EML2: variants seen among roughly 807,000 people sequenced by gnomAD.
EML2 encodes echinoderm microtubule-associated protein-like 2.
A neutral mutation model predicts 84.7 loss-of-function variants in EML2; 59 were observed. The ratio of observed to expected loss-of-function variants is 0.70; its 90% CI spans 0.56 to 0.86. The LOEUF (loss-of-function observed/expected upper bound fraction) is 0.86, where lower values mean the gene tolerates loss of function less well. Ranked by LOEUF, EML2 falls within the 40% of genes least tolerant of loss-of-function variation. The pLI is 0.00. For synonymous variants in EML2, 352 were observed against 348.9 expected, an observed-to-expected ratio of 1.01 and a Z score of -0.10; for missense variants, 818 against 855.6, an observed-to-expected ratio of 0.96 and a Z score of 0.55.
At chr19:45,639,439 C>A, upstream of EML2, 1 of 1,240,792 alleles carries the variant, frequency 8.1e-7, no homozygotes, top group South Asian at 4.0e-5. Context: ...CCGCTTCCGG[C>A]CCTGGGAGGC....
At position 45,614,616 on chromosome 19, in the gene EML2, A is replaced by G. The variant is rs1463119325; in HGVS notation, c.1682T>C (p.Phe561Ser). The change falls in exon 17 of 19, where the codon TTT (phenylalanine) becomes TCT (serine). Residue 561 changes from phenylalanine to serine, a missense_variant. Coordinates refer to ENST00000245925, the MANE Select transcript of EML2 (RefSeq NM_012155.4). ...EWATATCVLG[F>S]GVFGIWSEGA... is the part of the protein sequence containing the mutation. ...ATTCCAGAACTCACCAAACACCCCA[A>G]ACCCTAGGACACAAGTAGCTGTGGC... 3.1e-6 allele frequency: 5 copies of G among 1,613,692 alleles called. No homozygotes were observed. The highest frequency in any genetic ancestry group is 1.3e-5 in the African/African-American group (1 of 74,892).
chr19:45,633,826 C>A (rs557173843), intron 4 of EML2, among the ~76,000 whole-genome samples: 1 of 152,316 alleles, frequency 6.6e-6, no homozygotes, highest in Non-Finnish European at 1.5e-5. Context: ...CTGACTGCAG[C>A]CTCCAACTCC....
At chr19:45,629,726 C>G (rs1265714895) in intron 7 of EML2, among the ~76,000 whole-genome samples, 1 of 151,378 alleles carries the variant, frequency 6.6e-6, no homozygotes, top group Non-Finnish European at 1.5e-5. Context: ...TCCCAAGGTG[C>G]TAGGGTTACA....
intron 16 of EML2, among the ~76,000 whole-genome samples, chr19:45,615,233 A>G (rs1426203064): frequency 6.6e-6 from 1 of 152,056 alleles, no homozygotes; most frequent in East Asian, 1.9e-4. Flanking sequence ...CCAGCTACTC[A>G]GGAGCCTGAG....
chr19:45,641,474 T>C (rs1974491485), upstream of EML2: 1 of 659,928 alleles, frequency 1.5e-6, no homozygotes, highest in African/African-American at 1.8e-5. Context: ...CTTCCACTGT[T>C]ACCGTGCCAC....
rs1974046751 is a variant in EML2, at chr19:45,638,536, G to C, written c.148C>G (p.Leu50Val). 2.5e-6 allele frequency: 4 copies of C among 1,613,948 alleles called. No homozygotes were observed. Among genetic ancestry groups the C allele is most frequent in the Non-Finnish European group, 3.4e-6 (4 of 1,180,028 alleles). ...TCCAGCTTGAGCCGGCAAGAAGGCAGCTCCGAGCGTGTGTCCAGGCTGTAG... is the reference window on the plus strand; with the variant it reads ...TCCAGCTTGAGCCGGCAAGAAGGCACCTCCGAGCGTGTGTCCAGGCTGTAG... ...PTYSLDTRSE[L>V]PSCRLKLEWV... The change falls in exon 3 of 19, where the codon CTG (leucine) becomes GTG (valine). Residue 50 changes from leucine (L) to valine (V), a missense_variant. By Grantham distance (32) the Leu-to-Val change is conservative. Transcript: ENST00000245925.
intron 9 of EML2, among the ~76,000 whole-genome samples, chr19:45,623,699 C>G (rs1280342299): frequency 1.3e-5 from 2 of 151,868 alleles, no homozygotes. Context: ...TACAGGTGCT[C>G]GCCACCATGC....
Position 45,632,927 on chromosome 19 carries a change from GGAGA to G in EML2, c.440_443del (p.Leu147ProfsTer92). On this transcript the variant is annotated frameshift_variant, in exon 6 of 19. Coordinates refer to ENST00000245925, the MANE Select transcript of EML2 (RefSeq NM_012155.4). LOFTEE classifies it high-confidence loss of function. ...CCCCCAAGCCCAGCACGTGTAAGGTGGAGAGGGAAACTGAGTCCCAGATGCGCAC... is the reference window on the plus strand; with the variant it reads ...CCCCCAAGCCCAGCACGTGTAAGGTGGGGAAACTGAGTCCCAGATGCGCAC... The G allele has an allele frequency of 6.2e-7, 1 of 1,614,210 alleles. No homozygotes were observed. Among genetic ancestry groups the G allele is most frequent in the South Asian group, 1.1e-5 (1 of 91,072 alleles).
chr19:45,620,707 C>CA (rs59512575), intron 11 of EML2: 36,144 of 161,354 alleles, frequency 0.22, 4,200 homozygotes, highest in East Asian at 0.28. Flanking sequence ...GACTCTGTCT[C>CA]AAAAATGAAA....
intron 7 of EML2, among the ~76,000 whole-genome samples, chr19:45,628,377 A>T (rs1277299680): frequency 1.4e-5 from 2 of 147,040 alleles, no homozygotes; most frequent in African/African-American, 5.0e-5. Context: ...CAAATAGAAA[A>T]AAAAAAAGTG....
intron 7 of EML2, among the ~76,000 whole-genome samples, chr19:45,629,639 T>A (rs1309280409): frequency 1.3e-5 from 2 of 150,490 alleles, no homozygotes; most frequent in Non-Finnish European, 3.0e-5. Context: ...TTTTTTTTTT[T>A]AAGTAGAGAT....
At chr19:45,639,439 C>G, upstream of EML2, 1 of 1,240,792 alleles carries the variant, frequency 8.1e-7, no homozygotes. Flanking sequence ...CCGCTTCCGG[C>G]CCTGGGAGGC....
At chr19:45,645,389 T>A (rs1312246955), upstream of EML2, 6 of 1,505,802 alleles carry the variant, frequency 4.0e-6, no homozygotes, top group South Asian at 7.4e-5. Flanking sequence ...CCGGGCCCGG[T>A]CCCCCCAACC....
rs752157089 is a variant in EML2, at chr19:45,619,049, G to A, written c.1254+11C>T. ...TTAGAATGGTGCTTTTCCAGTCCCC[G>A]GGCCCCTTACCTCGATGATCCTGCT... On this transcript the variant is annotated intron_variant, in intron 12 of 18. Coordinates refer to ENST00000245925, the MANE Select transcript of EML2 (RefSeq NM_012155.4). 1.1e-5 allele frequency: 18 copies of A among 1,600,562 alleles called. No individual in the cohort carries two copies. The highest frequency in any genetic ancestry group is 4.4e-5 in the South Asian group (4 of 89,894).
rs1180128362 is a variant in EML2 at position 45,634,530 on chromosome 19, TG to T, written c.180-60del. ...TTTTGTTGTTGTTGTTTGTTTGTTT[TG>T]TTTTTATTTATTTATTTATTTTTAA... On this transcript the variant is annotated intron_variant, in intron 3 of 18. Coordinates refer to ENST00000245925, the MANE Select transcript of EML2 (RefSeq NM_012155.4). The T allele has an allele frequency of 1.8e-5, 22 of 1,248,916 alleles. No individual in the cohort carries two copies. The South Asian group carries it at 3.5e-4, about 20-fold the overall frequency. The allele number at this position is 1,248,916 out of a possible 1,614,324, so 77.4% of individuals were successfully genotyped here.
chr19:45,642,465 C>A, upstream of EML2: 1 of 1,447,356 alleles, frequency 6.9e-7, no homozygotes, highest in Non-Finnish European at 9.1e-7. Flanking sequence ...CTTTCCTGTC[C>A]CGCTACCTGG....
chr19:45,613,671 C>G lies in EML2; in HGVS notation c.1694G>C (p.Gly565Ala). ...GCCGTCCGCCCCCTCAGACCAGATC[C>G]CTGTGGGCAAGATGAAGGGAAGTGG... ...ATCVLGFGVFGIWSEGADGTD... is the reference protein window; with the variant it reads ...ATCVLGFGVFAIWSEGADGTD... The change falls in exon 18 of 19, where the codon GGG (glycine) becomes GCG (alanine). Residue 565 changes from glycine to alanine, a missense_variant and splice_region_variant. By Grantham distance (60) the Gly-to-Ala change is moderately conservative. Transcript: ENST00000245925. The G allele has an allele frequency of 1.9e-6, 3 of 1,611,534 alleles. No homozygotes were observed. Among genetic ancestry groups the G allele is most frequent in the Non-Finnish European group, 2.5e-6 (3 of 1,178,134 alleles).
At chr19:45,644,069 G>T (rs553479051), upstream of EML2, among the ~76,000 whole-genome samples, 6 of 152,310 alleles carry the variant, frequency 3.9e-5, no homozygotes, top group African/African-American at 1.4e-4. Context: ...TTAATTATAC[G>T]ACCAGAAAAA....
At chr19:45,628,568 A>T (rs942596143) in intron 7 of EML2, 7 of 151,966 alleles carry the variant, frequency 4.6e-5, no homozygotes, top group Admixed American at 3.3e-4. Context: ...CACGCTTGTG[A>T]TCCCAGCACT....
Sources: gnomAD v4.1 joint callset for allele counts (sites outside exome capture counted in the v4.1 genomes callset) on GRCh38, gnomAD v4.1.1 for gene constraint, MANE v1.5 for transcripts, NCBI Gene and HGNC (gene_info 2026-07-23, HGNC 2026-07-21) for gene names.